The following CHIC1 variants were observed in gnomAD, a reference collection of about 807,000 sequenced individuals.
CHIC1 encodes cysteine rich hydrophobic domain 1.
In CHIC1, 7 loss-of-function variants were observed where a neutral mutation model predicts 18.5. The observed-to-expected ratio is 0.38, with a 90% CI of 0.22 to 0.71. The LOEUF is 0.71. Among genes scored for constraint, CHIC1 ranks in the 30% least tolerant of loss-of-function variants. The pLI is 0.49. For missense variants in CHIC1, 159 were observed against 176.9 expected (o/e 0.90, Z 0.57); for synonymous variants, 77 against 73.5 (o/e 1.05, Z -0.25).
At chrX:73,612,657 G>T (rs749733212) in intron 3 of CHIC1, among the ~76,000 whole-genome samples, 1 of 111,316 alleles carries the variant, frequency 9.0e-6, no homozygotes, top group African/African-American at 3.3e-5. Flanking sequence ...TTGTTCCATC[G>T]TGACCTGAAA....
chrX:73,566,459 G>A (rs1158583664), intron 1 of CHIC1, among the ~76,000 whole-genome samples: 1 of 109,313 alleles, frequency 9.1e-6, no homozygotes, highest in African/African-American at 3.3e-5. Flanking sequence ...TTCTCTTCCA[G>A]CCTCCTCCCA....
chrX:73,615,657 A>G (rs1221940870), intron 3 of CHIC1, among the ~76,000 whole-genome samples: 1 of 110,433 alleles, frequency 9.1e-6, no homozygotes, highest in African/African-American at 3.3e-5. Flanking sequence ...GTGCTTGGGC[A>G]CTTGGGGGGT....
At chrX:73,605,447 A>T (rs1292375116) in intron 3 of CHIC1, among the ~76,000 whole-genome samples, 2 of 106,596 alleles carry the variant, frequency 1.9e-5, no homozygotes, top group Non-Finnish European at 3.8e-5. Context: ...TCTTTATCTA[A>T]TTTGCCAGTC....
At chrX:73,668,281 G>T (rs1422498965) in intron 3 of CHIC1, among the ~76,000 whole-genome samples, 1 of 111,446 alleles carries the variant, frequency 9.0e-6, no homozygotes, top group Non-Finnish European at 1.9e-5. Flanking sequence ...ATGATTCTTA[G>T]CTTCTTGGCA....
chrX:73,644,739 C>T (rs752298039), intron 3 of CHIC1, among the ~76,000 whole-genome samples: 3 of 112,098 alleles, frequency 2.7e-5, no homozygotes, highest in South Asian at 3.7e-4. Flanking sequence ...TTTGGAAAAG[C>T]GCAGTATTAG....
chrX:73,644,740 G>T (rs188502314), intron 3 of CHIC1, among the ~76,000 whole-genome samples: 3 of 111,974 alleles, frequency 2.7e-5, no homozygotes, highest in Non-Finnish European at 3.8e-5. Context: ...TTGGAAAAGC[G>T]CAGTATTAGG....
At chrX:73,601,318 C>G (rs1353194148) in intron 3 of CHIC1, among the ~76,000 whole-genome samples, 3 of 104,685 alleles carry the variant, frequency 2.9e-5, no homozygotes, top group Non-Finnish European at 5.8e-5. Context: ...AAGTAAAGCT[C>G]TCCTCAGCAA....
intron 3 of CHIC1, among the ~76,000 whole-genome samples, chrX:73,622,956 T>C (rs1338036325): frequency 1.8e-5 from 2 of 112,146 alleles, no homozygotes; most frequent in Non-Finnish European, 3.8e-5. Context: ...CCAGTAGTCA[T>C]TCAGGAGCAG....
chrX:73,604,196 T>G, intron 3 of CHIC1, among the ~76,000 whole-genome samples: 1 of 104,295 alleles, frequency 9.6e-6, no homozygotes, highest in East Asian at 2.9e-4. Context: ...GTTACTGGTC[T>G]ATTCAGGAAT....
chrX:73,591,621 G>T (rs2057582356), intron 3 of CHIC1, among the ~76,000 whole-genome samples: 1 of 111,178 alleles, frequency 9.0e-6, no homozygotes, highest in Non-Finnish European at 1.9e-5. Flanking sequence ...GCTTTCTGGT[G>T]TTGTATGTAA....
At chrX:73,653,238 G>T (rs1392018036) in intron 3 of CHIC1, among the ~76,000 whole-genome samples, 5 of 110,875 alleles carry the variant, frequency 4.5e-5, no homozygotes, top group Non-Finnish European at 9.5e-5. Context: ...TGTGGGATGA[G>T]GGGAGGGAAC....
chrX:73,655,136 ATGAG>A (rs1279669913), intron 3 of CHIC1, among the ~76,000 whole-genome samples: 1 of 109,381 alleles, frequency 9.1e-6, no homozygotes, highest in Non-Finnish European at 1.9e-5. Context: ...GCTCCAATTT[ATGAG>A]TGAGAATGCG....
intron 3 of CHIC1, among the ~76,000 whole-genome samples, chrX:73,676,032 TTTTC>T (rs1248887359): frequency 8.9e-6 from 1 of 112,010 alleles, no homozygotes; most frequent in Non-Finnish European, 1.9e-5. Flanking sequence ...TTGAAAATTC[TTTTC>T]TTTAAGAATG....
chrX:73,610,441 T>C (rs929968663), intron 3 of CHIC1, among the ~76,000 whole-genome samples: 4 of 106,008 alleles, frequency 3.8e-5, no homozygotes, highest in Middle Eastern at 4.7e-3. Flanking sequence ...GGTACCTCAG[T>C]TGGAAATGCA....
At chrX:73,648,828 C>T (rs1603348347) in intron 3 of CHIC1, among the ~76,000 whole-genome samples, 1 of 111,419 alleles carries the variant, frequency 9.0e-6, no homozygotes, top group African/African-American at 3.3e-5. Context: ...GAACAACATT[C>T]AAATTCAGGA....
chrX:73,609,302 T>C (rs1434773294), intron 3 of CHIC1, among the ~76,000 whole-genome samples: 1 of 109,191 alleles, frequency 9.2e-6, no homozygotes, highest in African/African-American at 3.5e-5. Context: ...CCTTTTAGTC[T>C]TTTACTATTT....
intron 3 of CHIC1, 134 bp downstream of exon 3, chrX:73,584,706 G>C: frequency 2.1e-6 from 1 of 466,225 alleles, no homozygotes; most frequent in East Asian, 4.0e-5. Context: ...TTATTTTAGA[G>C]ATAAGGAAAC....
At chrX:73,678,533 C>T (rs907361092) in intron 3 of CHIC1, among the ~76,000 whole-genome samples, 81 of 112,001 alleles carry the variant, frequency 7.2e-4, no homozygotes, top group African/African-American at 2.6e-3. Context: ...CTGGCAGTGT[C>T]TGCAGTGGGC....
At chrX:73,641,275 A>G (rs2057854790) in intron 3 of CHIC1, among the ~76,000 whole-genome samples, 1 of 110,839 alleles carries the variant, frequency 9.0e-6, no homozygotes, top group Admixed American at 9.6e-5. Flanking sequence ...ATTTTATAAT[A>G]TGTGCCATGT....
Sources: gnomAD v4.1 joint callset for allele counts (sites outside exome capture counted in the v4.1 genomes callset) on GRCh38, gnomAD v4.1.1 for gene constraint, MANE v1.5 for transcripts, NCBI Gene and HGNC (gene_info 2026-07-23, HGNC 2026-07-21) for gene names.